LACC1: variants seen among roughly 807,000 people sequenced by gnomAD.
LACC1 encodes purine nucleoside phosphorylase LACC1.
In LACC1, 25 loss-of-function variants were observed where a neutral mutation model predicts 34.8. That is an observed-to-expected ratio of 0.72 (90% CI 0.52 to 1.00). The LOEUF is 1.00. Among genes scored for constraint, LACC1 ranks in the 50% least tolerant of loss-of-function variants. The pLI is 0.00. For synonymous variants in LACC1, 162 were observed against 168.0 expected, an observed-to-expected ratio of 0.96 and a Z score of 0.28; for missense variants, 426 against 511.2, an observed-to-expected ratio of 0.83 and a Z score of 1.61.
Position 43,882,353 on chromosome 13 carries a change from A to G in LACC1, c.731A>G (p.Tyr244Cys). 1 of 1,606,762 alleles carries G rather than the reference A, an allele frequency of 6.2e-7. No individual in the cohort carries two copies. The highest frequency in any genetic ancestry group is 8.5e-7 in the Non-Finnish European group (1 of 1,177,964). The part of the protein sequence containing the change: ...NAAGFNVEKF[Y>C]RIKTHHSNDI... ...GCAGGATTTAATGTGGAGAAATTTTACCGAATAAAGGTAAAATTTTGCTTT... is the reference window on the plus strand; with the variant it reads ...GCAGGATTTAATGTGGAGAAATTTTGCCGAATAAAGGTAAAATTTTGCTTT... Residue 244 changes from tyrosine (Y) to cysteine (C), a missense_variant, in exon 3 of 7, where the codon TAC (tyrosine) becomes TGC (cysteine). By Grantham distance (194) the Tyr-to-Cys change is radical. This residue lies in a region of LACC1 where 209 missense variants were observed against 300.3 expected (regional missense o/e 0.70). Transcript: ENST00000325686.
Position 43,882,282 on chromosome 13 carries a change from T to C in LACC1, c.660T>C (p.Asp220=). The C allele has an allele frequency of 3.1e-6, 5 of 1,613,962 alleles. No individual in the cohort carries two copies. The highest frequency in any genetic ancestry group is 2.5e-6 in the Non-Finnish European group (3 of 1,179,932). The change falls in exon 3 of 7, where the codon GAT becomes GAC. Residue 220 remains aspartate (D), a synonymous_variant. Coordinates refer to ENST00000325686, the MANE Select transcript of LACC1 (RefSeq NM_153218.4). ...FNLFSSSKRR[D]PKVVVQENLR... is the part of the protein sequence containing the mutation. ...TCTTCAGTAGTTCCAAACGGAGAGA[T>C]CCCAAGGTAGTGGTTCAAGAAAATC...
intron 1 of LACC1, among the ~76,000 whole-genome samples, chr13:43,880,339 G>A (rs1201364939): frequency 6.6e-6 from 1 of 152,028 alleles, no homozygotes; most frequent in Non-Finnish European, 1.5e-5. Flanking sequence ...TGGGGTGGGA[G>A]GGCTGGGCTG....
At chr13:43,888,729 CTT>C (rs768607859) in intron 4 of LACC1, 26 bp from the exon 5 acceptor site, 5 of 1,569,724 alleles carry the variant, frequency 3.2e-6, no homozygotes, top group East Asian at 4.5e-5. Context: ...TTTGACTTCT[CTT>C]ATCTCTTTTT....
At chr13:43,882,706 A>G (rs1663545273) in intron 3 of LACC1, among the ~76,000 whole-genome samples, 1 of 152,094 alleles carries the variant, frequency 6.6e-6, no homozygotes, top group African/African-American at 2.4e-5. Flanking sequence ...AAATAAGAAT[A>G]AAGTTTCTAA....
intron 2 of LACC1, 53 bp from the exon 3 acceptor site, chr13:43,882,132 A>C: frequency 7.1e-7 from 1 of 1,401,514 alleles, no homozygotes; most frequent in South Asian, 1.3e-5. Flanking sequence ...TCTAATTGAG[A>C]GACTGGTATT....
At chr13:43,888,485 A>G (rs1035494081) in intron 4 of LACC1, among the ~76,000 whole-genome samples, 1 of 152,182 alleles carries the variant, frequency 6.6e-6, no homozygotes, top group African/African-American at 2.4e-5. Context: ...AATGTGAAAA[A>G]TAGAAGACTA....
rs776489319 is a variant in LACC1 at position 43,888,836 on chromosome 13, CATT to C, written c.988_990del (p.Ile330del). ...CAGAATATGGCTGCAGTTTGGAAGA[CATT>C]GTTGTTGTACTTGGACCTTCAGTAG... On this transcript the variant is annotated inframe_deletion, in exon 5 of 7. Coordinates refer to ENST00000325686, the MANE Select transcript of LACC1 (RefSeq NM_153218.4). The C allele has an allele frequency of 8.7e-6, 14 of 1,613,736 alleles. No individual in the cohort carries two copies. The highest frequency in any genetic ancestry group is 4.4e-5 in the South Asian group (4 of 91,080).
chr13:43,884,081 T>C, intron 4 of LACC1, 145 bp downstream of exon 4: 1 of 585,938 alleles, frequency 1.7e-6, no homozygotes, highest in East Asian at 2.8e-5. Context: ...ATAGTTTTAT[T>C]ATAGGGACAG....
rs762573665 is a variant in LACC1, at chr13:43,888,808, T to C, written c.959T>C (p.Ile320Thr). 3.1e-6 allele frequency: 5 copies of C among 1,613,956 alleles called. No individual in the cohort carries two copies. In the South Asian group the frequency reaches 4.4e-5, roughly 14 times the overall value. The change falls in exon 5 of 7, where the codon ATA becomes ACA. Residue 320 changes from isoleucine to threonine, a missense_variant. Ile to Thr is a moderately conservative substitution (Grantham distance 89). Transcript: ENST00000325686. ...GCTATGGCTACAGTGAATGCTATGA[T>C]AGCAGAATATGGCTGCAGTTTGGAA... ...GVAMATVNAM[I>T]AEYGCSLEDI... is the part of the protein sequence containing the mutation.
intron 2 of LACC1, 59 bp downstream of exon 2, chr13:43,881,606 G>C: frequency 7.8e-7 from 1 of 1,289,350 alleles, no homozygotes; most frequent in Non-Finnish European, 1.1e-6. Flanking sequence ...TCTTTCTTCA[G>C]AGGTAGTTCA....
At chr13:43,890,447 T>A (rs73467514) in intron 6 of LACC1, among the ~76,000 whole-genome samples, 173 bp downstream of exon 6, 4 of 152,162 alleles carry the variant, frequency 2.6e-5, no homozygotes, top group Non-Finnish European at 4.4e-5. Flanking sequence ...ATGATGTTTC[T>A]ACTTTTTTAG....
intron 4 of LACC1, 55 bp downstream of exon 4, chr13:43,883,991 A>G (rs945487216): frequency 2.0e-6 from 3 of 1,483,756 alleles, no homozygotes; most frequent in Non-Finnish European, 1.9e-6. Context: ...GTGCAGGAAA[A>G]ATTGTAATTT....
At chr13:43,886,592 C>T (rs1955339349) in intron 4 of LACC1, among the ~76,000 whole-genome samples, 1 of 151,958 alleles carries the variant, frequency 6.6e-6, no homozygotes, top group African/African-American at 2.4e-5. Flanking sequence ...GACATGGGGG[C>T]TTACTTAAGG....
chr13:43,879,822 CGAGGTGGGCGAGGT>C (rs1200184007), upstream of LACC1: 1,752 of 51,144 alleles, frequency 0.034, 18 homozygotes, highest in Non-Finnish European at 0.085. Flanking sequence ...GCGAGGTGGG[CGAGGTGGGCGAGGT>C]GAGGCGGGGC....
chr13:43,880,885 C>T, intron 1 of LACC1, 67 bp from the exon 2 acceptor site: 33 of 1,054,710 alleles, frequency 3.1e-5, no homozygotes, highest in South Asian at 1.6e-4. Flanking sequence ...TTTAATCTAC[C>T]ACAAATTTCT....
rs1955508330 is a variant in LACC1, at chr13:43,890,110, T to C, written c.1134-4T>C. On this transcript the variant is annotated splice_polypyrimidine_tract_variant and splice_region_variant and intron_variant, in intron 5 of 6. Coordinates refer to ENST00000325686, the MANE Select transcript of LACC1 (RefSeq NM_153218.4). ...GCTCTCTTTTGAAAAATATTTTTCCTAAGGATTCTTCTAGAACAGGGAGGA... is the reference window on the plus strand; with the variant it reads ...GCTCTCTTTTGAAAAATATTTTTCCCAAGGATTCTTCTAGAACAGGGAGGA... 1 of 1,600,108 alleles carries C rather than the reference T, an allele frequency of 6.2e-7. No homozygotes were observed. Among genetic ancestry groups the C allele is most frequent in the Admixed American group, 1.7e-5 (1 of 57,348 alleles).
chr13:43,890,371 C>T (rs1955520996), intron 6 of LACC1, 97 bp downstream of exon 6: 3 of 964,196 alleles, frequency 3.1e-6, no homozygotes, highest in Middle Eastern at 2.3e-4. Flanking sequence ...TTAGCCTATT[C>T]CTCCCCTTAT....
chr13:43,884,652 A>C (rs1447741765), intron 4 of LACC1, among the ~76,000 whole-genome samples: 1 of 152,244 alleles, frequency 6.6e-6, no homozygotes, highest in Non-Finnish European at 1.5e-5. Context: ...ATTTTAAAAT[A>C]GTATTTTAGA....
chr13:43,889,458 C>A (rs1220557723), intron 5 of LACC1, among the ~76,000 whole-genome samples: 1 of 152,076 alleles, frequency 6.6e-6, no homozygotes, highest in East Asian at 1.9e-4. Context: ...TTCTTCGCAT[C>A]TTTTAATTTA....
Sources: gnomAD v4.1 joint callset for allele counts (sites outside exome capture counted in the v4.1 genomes callset) on GRCh38, gnomAD v4.1.1 for gene constraint, gnomAD v4.1.1 regional missense constraint, MANE v1.5 for transcripts, NCBI Gene and HGNC (gene_info 2026-07-23, HGNC 2026-07-21) for gene names.